Variants in CRY2 observed in about 807,000 individuals in gnomAD.
CRY2 encodes the protein cryptochrome-2.
CRY2 carries 31 observed loss-of-function variants against 69.5 expected under a neutral mutation model. The observed-to-expected ratio is 0.45, with a 90% CI of 0.34 to 0.60. CRY2 has a LOEUF of 0.60. Ranked by LOEUF, CRY2 falls within the 20% of genes least tolerant of loss-of-function variation. CRY2 has a pLI of 0.02. For synonymous variants in CRY2, 303 were observed against 312.2 expected, an observed-to-expected ratio of 0.97 and a Z score of 0.31; for missense variants, 606 against 797.8, an observed-to-expected ratio of 0.76 and a Z score of 2.90.
rs762854121 is a variant in CRY2, at chr11:45,847,499, G to T, written c.9G>T (p.Ala3=). The change falls in exon 1 of 12, where the codon GCG becomes GCT. Residue 3 remains alanine, a synonymous_variant. Transcript: ENST00000616080. ...GAGCAGTCTGGACAGTCATGGCGGCGACTGTGGCGACGGCGGCAGCTGTGG... is the reference window on the plus strand; with the variant it reads ...GAGCAGTCTGGACAGTCATGGCGGCTACTGTGGCGACGGCGGCAGCTGTGG... MA[A]TVATAAAVAP... 1.9e-6 allele frequency: 3 copies of T among 1,595,986 alleles called. No homozygotes were observed. The highest frequency in any genetic ancestry group is 4.5e-5 in the East Asian group (2 of 44,464).
At chr11:45,847,939 G>C (rs990009691) in intron 1 of CRY2, among the ~76,000 whole-genome samples, 2 of 152,214 alleles carry the variant, frequency 1.3e-5, no homozygotes, top group African/African-American at 2.4e-5. Context: ...CTGTGGAACG[G>C]AGATCATGAT....
At chr11:45,877,224 G>A (rs189754192) in intron 11 of CRY2, among the ~76,000 whole-genome samples, 8 of 152,326 alleles carry the variant, frequency 5.3e-5, no homozygotes, top group African/African-American at 1.7e-4. Flanking sequence ...AGGCCCAGCT[G>A]TACTTCCCTG....
chr11:45,848,043 G>A (rs889600599), intron 1 of CRY2, among the ~76,000 whole-genome samples: 3 of 152,158 alleles, frequency 2.0e-5, no homozygotes, highest in African/African-American at 7.2e-5. Context: ...AGGGGCTCCT[G>A]GTCTAGGGCT....
rs1432669131 is a variant in CRY2 at position 45,862,136 on chromosome 11, C to G, written c.729C>G (p.His243Gln). ...ETEALARLDK[H>Q]LERKAWVANY... The stretch of plus-strand genomic sequence containing the variant: ...AAGCTCTGGCCCGCCTGGATAAGCA[C>G]TTGGAACGGAAGGTATGGGCCGTTT... The change falls in exon 5 of 12, where the codon CAC becomes CAG. Residue 243 changes from histidine (H) to glutamine (Q), a missense_variant. This residue lies in a region of CRY2 where 382 missense variants were observed against 508.9 expected (regional missense o/e 0.75). Transcript: ENST00000616080. The G allele has an allele frequency of 1.2e-6, 2 of 1,613,740 alleles. No homozygotes were observed. The highest frequency in any genetic ancestry group is 3.3e-5 in the Admixed American group (2 of 59,910).
chr11:45,858,888 C>T lies in CRY2; in HGVS notation c.467+15C>T. ...GACCTGGACAGGTAAGAGATGGGGC[C>T]CAGGGATCAGGTTACCAATTGTGAG... On this transcript the variant is annotated intron_variant, in intron 3 of 11. Coordinates refer to ENST00000616080, the MANE Select transcript of CRY2 (RefSeq NM_021117.5). The T allele has an allele frequency of 6.2e-7, 1 of 1,610,424 alleles. No homozygotes were observed. The highest frequency in any genetic ancestry group is 8.5e-7 in the Non-Finnish European group (1 of 1,178,362).
intron 11 of CRY2, among the ~76,000 whole-genome samples, chr11:45,874,629 G>A (rs2086412033): frequency 6.6e-6 from 1 of 152,166 alleles, no homozygotes; most frequent in Non-Finnish European, 1.5e-5. Flanking sequence ...GAGACAGACA[G>A]TAAACAAATA....
At chr11:45,862,230 G>A (rs185626999) in intron 5 of CRY2, 82 bp downstream of exon 5, 1 of 1,237,960 alleles carries the variant, frequency 8.1e-7, no homozygotes, top group South Asian at 1.3e-5. Flanking sequence ...ATGTCCTTTA[G>A]TCCCTCTTAG....
At chr11:45,858,494 T>A (rs1380630015) in intron 2 of CRY2, 1 of 495,358 alleles carries the variant, frequency 2.0e-6, no homozygotes, top group Non-Finnish European at 3.6e-6. Flanking sequence ...GCTGCCTACC[T>A]CTCTCCCAAC....
At chr11:45,867,417 C>T (rs2086339548) in intron 5 of CRY2, 195 bp from the exon 6 acceptor site, 2 of 605,656 alleles carry the variant, frequency 3.3e-6, no homozygotes, top group East Asian at 2.8e-5. Flanking sequence ...AAGAGCAAGT[C>T]AGAGAATGAC....
chr11:45,868,744 C>G (rs1175770567), intron 6 of CRY2, among the ~76,000 whole-genome samples: 1 of 152,190 alleles, frequency 6.6e-6, no homozygotes, highest in African/African-American at 2.4e-5. Context: ...GGTGATCCTC[C>G]TATCTCAGCC....
intron 3 of CRY2, among the ~76,000 whole-genome samples, chr11:45,860,410 G>A (rs904832554): frequency 7.0e-6 from 1 of 142,398 alleles, no homozygotes; most frequent in African/African-American, 2.6e-5. Context: ...AAAAAAACAT[G>A]TCTTCAGCTC....
chr11:45,861,115 T>C, intron 4 of CRY2, 83 bp downstream of exon 4: 1 of 1,444,832 alleles, frequency 6.9e-7, no homozygotes, highest in South Asian at 1.3e-5. Flanking sequence ...TGCATGTCAT[T>C]ATAGAAAGGT....
At chr11:45,880,350 T>A (rs2086461702) in intron 11 of CRY2, among the ~76,000 whole-genome samples, 1 of 152,162 alleles carries the variant, frequency 6.6e-6, no homozygotes, top group Non-Finnish European at 1.5e-5. Context: ...ATGTCATAAA[T>A]CTTTAAAATG....
chr11:45,872,145 G>A lies in CRY2; in HGVS notation c.1696G>A (p.Ala566Thr), dbSNP rs766852748. 1.2e-6 allele frequency: 2 copies of A among 1,614,172 alleles called. No individual in the cohort carries two copies. The highest frequency in any genetic ancestry group is 1.1e-5 in the South Asian group (1 of 91,082). Residue 566 changes from alanine to threonine, a missense_variant, in exon 11 of 12, where the codon GCC becomes ACC. Coordinates refer to ENST00000616080, the MANE Select transcript of CRY2 (RefSeq NM_021117.5). Reference protein sequence around the residue: ...PASPKRKLEAAEEPPGEELSK... With the variant: ...PASPKRKLEATEEPPGEELSK... ...ATCCCCCAAACGCAAGCTGGAAGCA[G>A]CCGAGGAACCACCTGGTGAAGAACT...
rs1590777520 is a variant in CRY2, at chr11:45,883,012, T to A, written c.*2101T>A. The A allele has an allele frequency of 1.6e-5, 5 of 308,794 alleles. No homozygotes were observed. In the East Asian group the frequency reaches 2.5e-4, roughly 16 times the overall value. The allele number at this position is 308,794 out of a possible 1,614,324, so 19.1% of individuals were successfully genotyped here. A position where few individuals can be genotyped will look rare whatever the true frequency, so the allele number is the denominator to read the frequency against. On this transcript the variant is annotated 3_prime_UTR_variant, in exon 12 of 12. Coordinates refer to ENST00000616080, the MANE Select transcript of CRY2 (RefSeq NM_021117.5). ...GGAAGGGCAGGGTAGAGAGGGTATGTCCAGTAGCCTGGAGCTCCATGGTGG... is the reference window on the plus strand; with the variant it reads ...GGAAGGGCAGGGTAGAGAGGGTATGACCAGTAGCCTGGAGCTCCATGGTGG...
chr11:45,882,582 G>A lies in CRY2; in HGVS notation c.*1671G>A, dbSNP rs1420190609. ...GAGCTGCCTTTAGAGTCCAACTGTTGTACGTATGTCACCTTCACTAGAAAT... is the reference window on the plus strand; with the variant it reads ...GAGCTGCCTTTAGAGTCCAACTGTTATACGTATGTCACCTTCACTAGAAAT... On this transcript the variant is annotated 3_prime_UTR_variant, in exon 12 of 12. Coordinates refer to ENST00000616080, the MANE Select transcript of CRY2 (RefSeq NM_021117.5). 1.8e-5 allele frequency: 7 copies of A among 399,006 alleles called. No homozygotes were observed. The highest frequency in any genetic ancestry group is 8.8e-5 in the Admixed American group (2 of 22,714). 24.7% of individuals were successfully genotyped at this position (399,006 alleles called of 1,614,324 possible). A position where few individuals can be genotyped will look rare whatever the true frequency, so the allele number is the denominator to read the frequency against.
At chr11:45,875,277 T>C (rs1042317619) in intron 11 of CRY2, among the ~76,000 whole-genome samples, 3 of 152,216 alleles carry the variant, frequency 2.0e-5, no homozygotes, top group Admixed American at 1.3e-4. Context: ...GGTATTGTTA[T>C]TATTGTAGAG....
chr11:45,873,131 G>A (rs978746698), intron 11 of CRY2, among the ~76,000 whole-genome samples: 3 of 152,154 alleles, frequency 2.0e-5, no homozygotes, highest in African/African-American at 7.2e-5. Context: ...AGGGAGGAAG[G>A]GCCTTTTATG....
chr11:45,882,728 G>C lies in CRY2; in HGVS notation c.*1817G>C. On this transcript the variant is annotated 3_prime_UTR_variant, in exon 12 of 12. Transcript: ENST00000616080. ...AGGAAAGAGAATCGGGCCACTGCCA[G>C]AAAGAGAGTCAAGCAAACCTGGAAG... 1 of 398,874 alleles carries C rather than the reference G, an allele frequency of 2.5e-6. No homozygotes were observed. Among genetic ancestry groups the C allele is most frequent in the South Asian group, 1.3e-4 (1 of 7,864 alleles). 24.7% of individuals were successfully genotyped at this position (398,874 alleles called of 1,614,324 possible).
Sources: gnomAD v4.1 joint callset for allele counts (sites outside exome capture counted in the v4.1 genomes callset) on GRCh38, gnomAD v4.1.1 for gene constraint, gnomAD v4.1.1 regional missense constraint, MANE v1.5 for transcripts, NCBI Gene and HGNC (gene_info 2026-07-23, HGNC 2026-07-21) for gene names.